The following ZSWIM3 variants were observed in gnomAD, a reference collection of about 807,000 sequenced individuals.
ZSWIM3 encodes the protein zinc finger SWIM domain-containing protein 3.
A neutral mutation model predicts 47.5 loss-of-function variants in ZSWIM3; 27 were observed. The ratio of observed to expected loss-of-function variants is 0.57; its 90% CI spans 0.42 to 0.78. The LOEUF (loss-of-function observed/expected upper bound fraction) is 0.78. ZSWIM3 is among the 30% of genes least tolerant of loss of function. The pLI, the probability that ZSWIM3 is intolerant of heterozygous loss-of-function variation, is 0.00. For synonymous variants in ZSWIM3, 333 were observed against 333.9 expected, an observed-to-expected ratio of 1.00 and a Z score of 0.03; for missense variants, 689 against 861.3, an observed-to-expected ratio of 0.80 and a Z score of 2.50.
intron 1 of ZSWIM3, among the ~76,000 whole-genome samples, chr20:45,859,127 A>G (rs149293924): frequency 1.3e-5 from 2 of 152,266 alleles, no homozygotes; most frequent in East Asian, 1.9e-4. Flanking sequence ...TCAGAAATCC[A>G]CACTTTATGT....
At chr20:45,859,790 TACAA>T (rs1985656931) in intron 1 of ZSWIM3, among the ~76,000 whole-genome samples, 1 of 11,170 alleles carries the variant, frequency 9.0e-5, no homozygotes, top group African/African-American at 3.6e-4. Context: ...ATGAGAGGAA[TACAA>T]AAAAAAAAAA....
At chr20:45,862,789 G>A (rs7348609) in intron 1 of ZSWIM3, among the ~76,000 whole-genome samples, 2 of 152,138 alleles carry the variant, frequency 1.3e-5, no homozygotes, top group African/African-American at 2.4e-5. Flanking sequence ...GCCACGCCCA[G>A]CCTATGTATT....
At chr20:45,861,689 C>A (rs1400645675) in intron 1 of ZSWIM3, among the ~76,000 whole-genome samples, 1 of 152,044 alleles carries the variant, frequency 6.6e-6, no homozygotes, top group Non-Finnish European at 1.5e-5. Context: ...ATCTTACTAC[C>A]TCAGCCTCCT....
At position 45,857,930 on chromosome 20, in the gene ZSWIM3, C is replaced by T. The variant is rs766903860; in HGVS notation, c.105C>T (p.Ser35=). ...RCSFILRDCV[S]VRFHNLNHGT... is the part of the protein sequence containing the mutation. ...CCTTCATTCTCAGGGACTGCGTCTC[C>T]GTCCGCTTCCACAACCTCAACCATG... is the stretch of plus-strand genomic sequence containing the variant. The change falls in exon 1 of 2, where the codon TCC becomes TCT. Residue 35 remains serine, a synonymous_variant. Transcript: ENST00000255152. 9.3e-6 allele frequency: 15 copies of T among 1,610,678 alleles called. No homozygotes were observed. In the Admixed American group the frequency reaches 1.8e-4, roughly 20 times the overall value.
chr20:45,867,390 A>C (rs6130954), intron 1 of ZSWIM3, among the ~76,000 whole-genome samples: 83,520 of 152,038 alleles, frequency 0.55, 23,604 homozygotes, highest in Admixed American at 0.63. Flanking sequence ...AGTGTTAATA[A>C]AGCCTAAGGA....
chr20:45,858,034 C>T (rs1985586736), intron 1 of ZSWIM3, 54 bp downstream of exon 1: 4 of 1,569,446 alleles, frequency 2.5e-6, no homozygotes, highest in Non-Finnish European at 3.5e-6. Context: ...GGCTGGACCT[C>T]CGGAGGGCTG....
chr20:45,867,199 G>A (rs1161273729), intron 1 of ZSWIM3, among the ~76,000 whole-genome samples: 1 of 151,938 alleles, frequency 6.6e-6, no homozygotes, highest in African/African-American at 2.4e-5. Context: ...TAGAGACAGG[G>A]TTTCACCATG....
intron 1 of ZSWIM3, among the ~76,000 whole-genome samples, chr20:45,872,092 C>T (rs2145791038): frequency 6.6e-6 from 1 of 152,324 alleles, no homozygotes; most frequent in Non-Finnish European, 1.5e-5. Flanking sequence ...CCCAGATTCT[C>T]ATCCTTGAGA....
Position 45,877,925 on chromosome 20 carries a change from C to G in ZSWIM3, c.1367C>G (p.Ala456Gly), listed in dbSNP as rs115265475. 449 of 1,614,130 alleles carry G rather than the reference C, an allele frequency of 2.8e-4. No individual in the cohort carries two copies. In the African/African-American group the frequency reaches 5.3e-3, roughly 19 times the overall value. Reference protein sequence around the residue: ...PASMPLKSKKAFGICGESLTS... With the variant: ...PASMPLKSKKGFGICGESLTS... ...AGCATGCCACTGAAGTCCAAGAAGGCTTTTGGAATCTGTGGAGAGAGCCTT... is the reference window on the plus strand; with the variant it reads ...AGCATGCCACTGAAGTCCAAGAAGGGTTTTGGAATCTGTGGAGAGAGCCTT... The change falls in exon 2 of 2, where the codon GCT becomes GGT. Residue 456 changes from alanine (A) to glycine (G), a missense_variant. Coordinates refer to ENST00000255152, the MANE Select transcript of ZSWIM3 (RefSeq NM_080752.4).
chr20:45,870,267 G>T (rs574590433), intron 1 of ZSWIM3, among the ~76,000 whole-genome samples: 2 of 151,956 alleles, frequency 1.3e-5, no homozygotes, highest in Non-Finnish European at 2.9e-5. Flanking sequence ...TTGAACCCGG[G>T]AGGCGGAGGT....
In ZSWIM3 at chr20:45,878,772, A is replaced by ATTG. The variant is rs1463162753; in HGVS notation, c.*126_*128dup. The ATTG allele has an allele frequency of 4.0e-6, 5 of 1,261,374 alleles. No individual in the cohort carries two copies. The highest frequency in any genetic ancestry group is 5.4e-6 in the Non-Finnish European group (5 of 929,396). 78.1% of individuals were successfully genotyped at this position (1,261,374 alleles called of 1,614,324 possible). A position where few individuals can be genotyped will look rare whatever the true frequency, so the allele number is the denominator to read the frequency against. On this transcript the variant is annotated 3_prime_UTR_variant, in exon 2 of 2. Transcript: ENST00000255152. ...TGTCTTCCTAGGTGGGGCTAGGAAT[A>ATTG]TTGTTACAGTAGAGAGGAAGGGAAC... is the stretch of plus-strand genomic sequence containing the variant.
At chr20:45,868,865 C>T (rs770555077) in intron 1 of ZSWIM3, among the ~76,000 whole-genome samples, 10 of 152,030 alleles carry the variant, frequency 6.6e-5, no homozygotes, top group Non-Finnish European at 1.5e-4. Context: ...TGAAGTGGCG[C>T]AATCTCGGCT....
Position 45,878,028 on chromosome 20 carries a change from G to T in ZSWIM3, c.1470G>T (p.Ser490=). Residue 490 remains serine, a synonymous_variant, in exon 2 of 2, where the codon TCG becomes TCT. Coordinates refer to ENST00000255152, the MANE Select transcript of ZSWIM3 (RefSeq NM_080752.4). Reference sequence around the variant, plus strand: ...AGCAGCAGTCACAAGTGCCGCCCTCGCAGGTTGGCATGCTGGACACCTTGC... The same window carrying T: ...AGCAGCAGTCACAAGTGCCGCCCTCTCAGGTTGGCATGCTGGACACCTTGC... The part of the protein sequence containing the change: ...QVQQQSQVPP[S]QVGMLDTLHQ... 2 of 1,614,116 alleles carry T rather than the reference G, an allele frequency of 1.2e-6. No individual in the cohort carries two copies. Among genetic ancestry groups the T allele is most frequent in the Non-Finnish European group, 1.7e-6 (2 of 1,180,016 alleles).
chr20:45,874,404 C>T (rs570278926), intron 1 of ZSWIM3, among the ~76,000 whole-genome samples: 2 of 152,204 alleles, frequency 1.3e-5, no homozygotes, highest in East Asian at 1.9e-4. Context: ...CCCAGCTACT[C>T]GAGAGGCTGA....
intron 1 of ZSWIM3, among the ~76,000 whole-genome samples, 189 bp downstream of exon 1, chr20:45,858,169 A>G (rs2145783166): frequency 6.6e-6 from 1 of 152,220 alleles, no homozygotes; most frequent in Admixed American, 6.5e-5. Flanking sequence ...TTGGTTTTTG[A>G]CCACCCACTC....
rs1986114952 is a variant in ZSWIM3, at chr20:45,877,071, G to A, written c.513G>A (p.Leu171=). 2 of 1,614,192 alleles carry A rather than the reference G, an allele frequency of 1.2e-6. No individual in the cohort carries two copies. Among genetic ancestry groups the A allele is most frequent in the Non-Finnish European group, 1.7e-6 (2 of 1,180,052 alleles). ...AGGAAGGCATCACTCCTTCTGACCT[G>A]GCCAAGATAGCAAAAGTGATGAAGA... ...PEQEGITPSD[L]AKIAKVMKNF... Residue 171 remains leucine (L), a synonymous_variant, in exon 2 of 2, where the codon CTG becomes CTA. Transcript: ENST00000255152.
In ZSWIM3 at chr20:45,877,615, A is replaced by C; in HGVS notation, c.1057A>C (p.Met353Leu). 2 of 1,614,156 alleles carry C rather than the reference A, an allele frequency of 1.2e-6. No individual in the cohort carries two copies. Among genetic ancestry groups the C allele is most frequent in the Non-Finnish European group, 1.7e-6 (2 of 1,180,018 alleles). ...SEASLKNLCQ[M>L]SQAVLDEDLF... ...AGCCAGCCTGAAAAATCTCTGCCAG[A>C]TGTCCCAGGCCGTACTGGATGAGGA... Residue 353 changes from methionine (M) to leucine (L), a missense_variant, in exon 2 of 2, where the codon ATG becomes CTG. Transcript: ENST00000255152.
intron 1 of ZSWIM3, among the ~76,000 whole-genome samples, chr20:45,870,587 C>G (rs571320922): frequency 1.1e-4 from 16 of 152,130 alleles, no homozygotes; most frequent in Admixed American, 3.9e-4. Context: ...TTAAGTGGTA[C>G]TGATTATTCA....
intron 1 of ZSWIM3, among the ~76,000 whole-genome samples, chr20:45,863,795 C>T (rs756488436): frequency 7.2e-5 from 11 of 152,040 alleles, no homozygotes; most frequent in Non-Finnish European, 1.3e-4. Context: ...GTCAGGAGTT[C>T]GAGACCAGCC....
Sources: gnomAD v4.1 joint callset for allele counts (sites outside exome capture counted in the v4.1 genomes callset) on GRCh38, gnomAD v4.1.1 for gene constraint, MANE v1.5 for transcripts, NCBI Gene and HGNC (gene_info 2026-07-23, HGNC 2026-07-21) for gene names.